ADAMTS17: variants seen among roughly 807,000 people sequenced by gnomAD.
The protein encoded by ADAMTS17 is ADAM metallopeptidase with thrombospondin type 1 motif 17, also known as A disintegrin and metalloproteinase with thrombospondin motifs 17.
A neutral mutation model predicts 141.5 loss-of-function variants in ADAMTS17; 113 were observed. The ratio of observed to expected loss-of-function variants is 0.80; its 90% CI spans 0.69 to 0.93. The LOEUF (loss-of-function observed/expected upper bound fraction) is 0.93, where lower values mean the gene tolerates loss of function less well. Ranked by LOEUF, ADAMTS17 falls within the 40% of genes least tolerant of loss-of-function variation. ADAMTS17 has a pLI of 0.00. For synonymous variants in ADAMTS17, 768 were observed against 630.6 expected, an observed-to-expected ratio of 1.22 and a Z score of -3.27; for missense variants, 1,659 against 1,517.9, an observed-to-expected ratio of 1.09 and a Z score of -1.54.
intron 4 of ADAMTS17, among the ~76,000 whole-genome samples, chr15:100,279,439 T>G (rs1172402245): frequency 6.6e-6 from 1 of 152,166 alleles, no homozygotes; most frequent in East Asian, 1.9e-4. Context: ...GCATGTCATC[T>G]CCCTACCCCA....
At chr15:100,102,359 GCCAA>G (rs2036155954) in intron 14 of ADAMTS17, among the ~76,000 whole-genome samples, 4 of 128,592 alleles carry the variant, frequency 3.1e-5, no homozygotes, top group South Asian at 2.6e-4. Context: ...ACATTTGAGG[GCCAA>G]CCGAAGGGGA....
At chr15:100,248,007 C>T (rs541696576) in intron 7 of ADAMTS17, among the ~76,000 whole-genome samples, 12 of 152,204 alleles carry the variant, frequency 7.9e-5, no homozygotes, top group South Asian at 4.2e-4. Flanking sequence ...CCAGGGGTGA[C>T]GCAAGGAGGG....
chr15:100,292,171 T>TACGAGACACGCTCACCCCGTGGGGAATC (rs1262211855), intron 3 of ADAMTS17, among the ~76,000 whole-genome samples: 21 of 95,926 alleles, frequency 2.2e-4, no homozygotes, highest in African/African-American at 8.0e-4. Flanking sequence ...CGTGGGAAAC[T>TACGAGACACGCTCACCCCGTGGGGAATC]ACGAGACACG....
chr15:100,246,255 G>T (rs2042983204), intron 7 of ADAMTS17, among the ~76,000 whole-genome samples: 1 of 152,112 alleles, frequency 6.6e-6, no homozygotes, highest in African/African-American at 2.4e-5. Flanking sequence ...AGCTGAATTT[G>T]TGGGATACGA....
intron 7 of ADAMTS17, among the ~76,000 whole-genome samples, chr15:100,223,873 G>A (rs1220682992): frequency 6.6e-6 from 1 of 151,822 alleles, no homozygotes; most frequent in Non-Finnish European, 1.5e-5. Context: ...ACATTCACAA[G>A]GTCCCCCAAT....
At chr15:100,200,354 T>C (rs2041279754) in intron 7 of ADAMTS17, among the ~76,000 whole-genome samples, 1 of 151,964 alleles carries the variant, frequency 6.6e-6, no homozygotes, top group African/African-American at 2.4e-5. Context: ...TGCCGGCCCC[T>C]CTGGGGAATG....
chr15:100,075,735 A>G (rs1334073100), intron 15 of ADAMTS17, among the ~76,000 whole-genome samples: 1 of 152,204 alleles, frequency 6.6e-6, no homozygotes, highest in Non-Finnish European at 1.5e-5. Context: ...GGGATATCAA[A>G]GTATATACAT....
At chr15:100,262,965 G>T (rs28546161) in intron 4 of ADAMTS17, among the ~76,000 whole-genome samples, 6,297 of 152,136 alleles carry the variant, frequency 0.041, 424 homozygotes, top group African/African-American at 0.14. Flanking sequence ...AAAGAAAAAT[G>T]TATATAAGAG....
intron 15 of ADAMTS17, among the ~76,000 whole-genome samples, chr15:100,084,284 G>C (rs867326099): frequency 2.0e-5 from 3 of 152,216 alleles, no homozygotes; most frequent in Admixed American, 6.5e-5. Flanking sequence ...AGGTGGCAGC[G>C]AGGCTGGGGG....
At chr15:100,002,079 T>C (rs1416806860) in intron 18 of ADAMTS17, among the ~76,000 whole-genome samples, 1 of 151,564 alleles carries the variant, frequency 6.6e-6, no homozygotes, top group Non-Finnish European at 1.5e-5. Context: ...TTCATCAATG[T>C]TGTCCAACTT....
intron 15 of ADAMTS17, among the ~76,000 whole-genome samples, chr15:100,067,979 G>A (rs924903247): frequency 6.6e-6 from 1 of 152,178 alleles, no homozygotes; most frequent in Admixed American, 6.5e-5. Flanking sequence ...GAAGCGCAAG[G>A]GGTCAGGGAA....
chr15:100,042,689 G>A lies in ADAMTS17; in HGVS notation c.2591+6168C>T, dbSNP rs537668215. 6.6e-5 allele frequency among the ~76,000 whole-genome samples: 10 copies of A among 152,294 alleles called. 1 individual carries two copies. Among genetic ancestry groups the A allele is most frequent in the African/African-American group, 2.2e-4 (9 of 41,552 alleles). On this transcript the variant is annotated intron_variant, in intron 18 of 21. Transcript: ENST00000268070. ...AGTTGATCTAACTGAGATGGCTACT[G>A]AGTGACAACCAGCAGGGAGCAGAGA...
intron 3 of ADAMTS17, among the ~76,000 whole-genome samples, chr15:100,299,506 T>C (rs2141804725): frequency 7.2e-6 from 1 of 139,430 alleles, no homozygotes. Context: ...TCTAAATTGA[T>C]GGAAAAGAAA....
intron 20 of ADAMTS17, among the ~76,000 whole-genome samples, chr15:99,981,170 A>C (rs1296553210): frequency 3.3e-5 from 5 of 152,218 alleles, no homozygotes; most frequent in Non-Finnish European, 7.3e-5. Context: ...GGAAGCGGGA[A>C]TCAAAGAACC....
intron 2 of ADAMTS17, among the ~76,000 whole-genome samples, chr15:100,335,152 T>C (rs377164492): frequency 3.3e-5 from 5 of 152,100 alleles, no homozygotes; most frequent in Admixed American, 2.6e-4. Flanking sequence ...AACTCCTGGA[T>C]GGGGCCCAGC....
intron 2 of ADAMTS17, among the ~76,000 whole-genome samples, chr15:100,334,617 C>T (rs979146359): frequency 6.6e-6 from 1 of 152,218 alleles, no homozygotes; most frequent in African/African-American, 2.4e-5. Context: ...GGGCACGCAC[C>T]TCTTTCCGTG....
intron 3 of ADAMTS17, among the ~76,000 whole-genome samples, chr15:100,316,351 A>G (rs530419477): frequency 2.0e-5 from 3 of 152,270 alleles, no homozygotes; most frequent in East Asian, 3.9e-4. Flanking sequence ...CCTGCACAGG[A>G]GCATCTCAGA....
At chr15:100,074,095 T>C (rs2034191640) in intron 15 of ADAMTS17, 1 of 153,018 alleles carries the variant, frequency 6.5e-6, no homozygotes. Context: ...TAAACATATA[T>C]ATTTCTCACC....
intron 10 of ADAMTS17, 118 bp downstream of exon 10, chr15:100,152,494 G>C (rs2039217187): frequency 1.5e-6 from 2 of 1,333,700 alleles, no homozygotes; most frequent in African/African-American, 1.4e-5. Context: ...ACCTGTGCTT[G>C]TGTGTGTATG....
Sources: allele counts gnomAD v4.1 joint callset (sites outside exome capture counted in the v4.1 genomes callset), GRCh38; gene constraint gnomAD v4.1.1; transcripts MANE v1.5; gene names NCBI Gene and HGNC (gene_info 2026-07-23, HGNC 2026-07-21).